Variants in CDH13 observed in about 807,000 individuals in gnomAD.
CDH13 encodes the protein cadherin 13.
In CDH13, 24 loss-of-function variants were observed where a neutral mutation model predicts 63.8. That is an observed-to-expected ratio of 0.38 (90% CI 0.27 to 0.53). The LOEUF (loss-of-function observed/expected upper bound fraction) is 0.53, where lower values mean the gene tolerates loss of function less well. Among genes scored for constraint, CDH13 ranks in the 20% least tolerant of loss-of-function variants. The probability of loss-of-function intolerance (pLI) is 0.85; values close to 1 mark genes in which losing one functional copy is unlikely to be tolerated. For synonymous variants in CDH13, 503 were observed against 355.3 expected (o/e 1.42, Z -4.67); for missense variants, 1,049 against 903.1 (o/e 1.16, Z -2.07).
At chr16:83,428,068 CAG>C (rs1454332090) in intron 6 of CDH13, among the ~76,000 whole-genome samples, 3 of 152,140 alleles carry the variant, frequency 2.0e-5, no homozygotes, top group Non-Finnish European at 4.4e-5. Context: ...GCAGATGACA[CAG>C]AGAGGGTCAT....
At chr16:82,797,523 A>T (rs772587520) in intron 1 of CDH13, among the ~76,000 whole-genome samples, 3 of 152,142 alleles carry the variant, frequency 2.0e-5, no homozygotes, top group Non-Finnish European at 4.4e-5. Flanking sequence ...TCTTTCAATG[A>T]TCTGAGTTAG....
At chr16:83,618,172 A>G (rs1208818778) in intron 8 of CDH13, among the ~76,000 whole-genome samples, 1 of 151,882 alleles carries the variant, frequency 6.6e-6, no homozygotes, top group Non-Finnish European at 1.5e-5. Context: ...TGCCTGTAAT[A>G]CCAGCATTTT....
chr16:82,840,790 G>A (rs2038978407), intron 1 of CDH13, among the ~76,000 whole-genome samples: 1 of 152,058 alleles, frequency 6.6e-6, no homozygotes, highest in African/African-American at 2.4e-5. Flanking sequence ...AGGAGATACT[G>A]GAGACATTTT....
At chr16:82,695,082 G>A (rs142985474) in intron 1 of CDH13, among the ~76,000 whole-genome samples, 1,976 of 152,222 alleles carry the variant, frequency 0.013, 24 homozygotes, top group Middle Eastern at 0.072. Flanking sequence ...CTGTCGGCTG[G>A]AGGAAGGGCA....
At chr16:82,772,742 A>G (rs960201592) in intron 1 of CDH13, among the ~76,000 whole-genome samples, 12 of 152,182 alleles carry the variant, frequency 7.9e-5, no homozygotes, top group Non-Finnish European at 1.2e-4. Flanking sequence ...ACAGATGATA[A>G]AATTGAGATT....
At chr16:83,400,265 T>C (rs1451232047) in intron 6 of CDH13, among the ~76,000 whole-genome samples, 1 of 152,168 alleles carries the variant, frequency 6.6e-6, no homozygotes, top group Non-Finnish European at 1.5e-5. Context: ...CTTTCTCTTC[T>C]CGTTGTAAAT....
chr16:83,568,879 C>G (rs992689373), intron 7 of CDH13, among the ~76,000 whole-genome samples: 2 of 152,118 alleles, frequency 1.3e-5, no homozygotes, highest in Non-Finnish European at 2.9e-5. Context: ...CCTCTCTTTC[C>G]TGGACCATTG....
At chr16:82,653,801 C>G (rs1324262429) in intron 1 of CDH13, among the ~76,000 whole-genome samples, 2 of 152,236 alleles carry the variant, frequency 1.3e-5, no homozygotes, top group African/African-American at 2.4e-5. Context: ...ATGCTTGTGC[C>G]TGCACCGGGG....
At chr16:82,637,627 C>G (rs769666682) in intron 1 of CDH13, 8 of 148,938 alleles carry the variant, frequency 5.4e-5, no homozygotes, top group Non-Finnish European at 1.2e-4. Flanking sequence ...TTAGTAGAGA[C>G]GGGTTTTCAC....
chr16:82,987,354 T>C (rs1378660643), intron 2 of CDH13, among the ~76,000 whole-genome samples: 5 of 149,956 alleles, frequency 3.3e-5, no homozygotes, highest in African/African-American at 4.8e-5. Flanking sequence ...ATTTTTGTTT[T>C]GTTTTGTTTT....
At chr16:82,717,869 G>C (rs1478079333) in intron 1 of CDH13, among the ~76,000 whole-genome samples, 1 of 152,260 alleles carries the variant, frequency 6.6e-6, no homozygotes, top group African/African-American at 2.4e-5. Context: ...CAGTTAGTGG[G>C]GGGGAAGTAG....
At chr16:82,979,285 A>T (rs1909944997) in intron 2 of CDH13, among the ~76,000 whole-genome samples, 1 of 152,102 alleles carries the variant, frequency 6.6e-6, no homozygotes, top group South Asian at 2.1e-4. Context: ...TGCTGGACTG[A>T]GTTATGACTT....
chr16:83,099,079 C>G (rs1042419753), intron 3 of CDH13, among the ~76,000 whole-genome samples: 2 of 152,028 alleles, frequency 1.3e-5, no homozygotes, highest in Non-Finnish European at 2.9e-5. Context: ...TGCACATACA[C>G]ACCCACACAC....
chr16:83,739,369 T>C (rs1159097981), intron 10 of CDH13, among the ~76,000 whole-genome samples: 1 of 152,214 alleles, frequency 6.6e-6, no homozygotes, highest in Admixed American at 6.5e-5. Flanking sequence ...GTGACCCCAC[T>C]GGGAGCAGAC....
intron 11 of CDH13, among the ~76,000 whole-genome samples, chr16:83,755,916 A>C (rs1449648680): frequency 6.6e-6 from 1 of 152,220 alleles, no homozygotes. Flanking sequence ...ATGAAGTAAA[A>C]TTGTAAGGAC....
At chr16:82,904,664 T>TCA (rs1350689147) in intron 2 of CDH13, among the ~76,000 whole-genome samples, 6 of 152,168 alleles carry the variant, frequency 3.9e-5, no homozygotes, top group Non-Finnish European at 7.3e-5. Flanking sequence ...GGCATAGTAG[T>TCA]CTTTCCCCTG....
At chr16:83,579,425 A>G (rs997910008) in intron 7 of CDH13, among the ~76,000 whole-genome samples, 1 of 152,184 alleles carries the variant, frequency 6.6e-6, no homozygotes, top group Non-Finnish European at 1.5e-5. Context: ...CAATTATGGC[A>G]GAAGGTGAAG....
intron 2 of CDH13, among the ~76,000 whole-genome samples, chr16:82,977,138 A>C (rs1353636837): frequency 6.6e-6 from 1 of 152,204 alleles, no homozygotes. Flanking sequence ...GTGGCTCCTA[A>C]GTTCCCAAAA....
At chr16:83,221,730 A>T (rs915693297) in intron 5 of CDH13, among the ~76,000 whole-genome samples, 1 of 152,110 alleles carries the variant, frequency 6.6e-6, no homozygotes, top group African/African-American at 2.4e-5. Context: ...AGACCATGGT[A>T]GCAGGCAGGT....
Sources: gnomAD v4.1 joint callset for allele counts (sites outside exome capture counted in the v4.1 genomes callset) on GRCh38, gnomAD v4.1.1 for gene constraint, MANE v1.5 for transcripts, NCBI Gene and HGNC (gene_info 2026-07-23, HGNC 2026-07-21) for gene names.